The following ITK variants were observed in gnomAD, a reference collection of about 807,000 sequenced individuals.
ITK encodes IL2 inducible T cell kinase.
A neutral mutation model predicts 87.6 loss-of-function variants in ITK; 45 were observed. The observed-to-expected ratio is 0.51, with a 90% CI of 0.40 to 0.66. The LOEUF is 0.66. Among genes scored for constraint, ITK ranks in the 30% least tolerant of loss-of-function variants. The probability of loss-of-function intolerance (pLI) is 0.00; values close to 1 mark genes in which losing one functional copy is unlikely to be tolerated. For synonymous variants in ITK, 303 were observed against 273.6 expected (o/e 1.11, Z -1.06); for missense variants, 605 against 766.3 (o/e 0.79, Z 2.48).
rs1755169230 is a variant in ITK, at chr5:157,252,787, A to T, written c.*109A>T. ...CACCAGCCCAGGACCCTCCAGAGGC[A>T]GCCTGGCCTGTGGCATCAGTCCCTG... On this transcript the variant is annotated 3_prime_UTR_variant, in exon 17 of 17. Coordinates refer to ENST00000422843, the MANE Select transcript of ITK (RefSeq NM_005546.4). 1.2e-6 allele frequency: 1 copy of T among 864,632 alleles called. No individual in the cohort carries two copies. Among genetic ancestry groups the T allele is most frequent in the African/African-American group, 1.6e-5 (1 of 60,760 alleles). 53.6% of individuals were successfully genotyped at this position (864,632 alleles called of 1,614,324 possible).
chr5:157,225,786 A>C (rs1380677087), intron 6 of ITK, among the ~76,000 whole-genome samples: 2 of 152,192 alleles, frequency 1.3e-5, no homozygotes, highest in Admixed American at 6.5e-5. Flanking sequence ...TATCCGAAAT[A>C]GGTTCAAGAC....
intron 5 of ITK, 26 bp from the exon 6 acceptor site, chr5:157,222,837 T>C: frequency 6.2e-7 from 1 of 1,613,786 alleles, no homozygotes; most frequent in Non-Finnish European, 8.5e-7. Context: ...ATGTCTTTGC[T>C]TGGTTTTGTT....
intron 1 of ITK, among the ~76,000 whole-genome samples, chr5:157,201,136 G>T (rs1001300120): frequency 6.6e-6 from 1 of 151,730 alleles, no homozygotes; most frequent in Non-Finnish European, 1.5e-5. Context: ...AAAAATATTT[G>T]ACAAATCCAA....
chr5:157,196,651 A>G (rs1479306453), intron 1 of ITK, among the ~76,000 whole-genome samples: 1 of 152,212 alleles, frequency 6.6e-6, no homozygotes, highest in African/African-American at 2.4e-5. Context: ...TAGGGTTCAC[A>G]ATAATCACTT....
Position 157,252,711 on chromosome 5 carries a change from T to C in ITK, c.*33T>C, listed in dbSNP as rs778234799. On this transcript the variant is annotated 3_prime_UTR_variant, in exon 17 of 17. Coordinates refer to ENST00000422843, the MANE Select transcript of ITK (RefSeq NM_005546.4). ...TGAGTACCAGGCCACGGGCTGCAGA[T>C]CCTGAATGGAGGAAGGATATGTCCT... 8.1e-6 allele frequency: 12 copies of C among 1,485,432 alleles called. No homozygotes were observed. In the South Asian group the frequency reaches 1.2e-4, roughly 15 times the overall value. The allele number at this position is 1,485,432 out of a possible 1,614,324, so 92.0% of individuals were successfully genotyped here.
At position 157,224,878 on chromosome 5, in the gene ITK, GTTTA is replaced by G. The variant is rs1050162332; in HGVS notation, c.647+1868_647+1871del. Among the ~76,000 whole-genome samples, 7 of 152,242 alleles carry G rather than the reference GTTTA, an allele frequency of 4.6e-5. 1 individual carries two copies. Among genetic ancestry groups the G allele is most frequent in the African/African-American group, 9.6e-5 (4 of 41,542 alleles). On this transcript the variant is annotated intron_variant, in intron 6 of 16. Coordinates refer to ENST00000422843, the MANE Select transcript of ITK (RefSeq NM_005546.4). ...TTTATGGTGAGACATTTAGTTGCCA[GTTTA>G]TTTGTTTCCTCTGCTGTTTCAAACA...
At chr5:157,212,597 G>A (rs908066602) in intron 3 of ITK, among the ~76,000 whole-genome samples, 2 of 152,176 alleles carry the variant, frequency 1.3e-5, no homozygotes, top group African/African-American at 4.8e-5. Context: ...AAGGTGGGAG[G>A]ATCACTTGAG....
intron 3 of ITK, chr5:157,213,563 G>A (rs932745801): frequency 8.9e-6 from 4 of 451,102 alleles, no homozygotes; most frequent in African/African-American, 8.1e-5. Flanking sequence ...TTTTTTTTTG[G>A]TAGAAAAGGG....
chr5:157,243,382 G>A (rs1036992040), intron 11 of ITK, among the ~76,000 whole-genome samples: 4 of 152,066 alleles, frequency 2.6e-5, no homozygotes, highest in African/African-American at 9.7e-5. Flanking sequence ...GATTAATATG[G>A]TTTCTTTAAT....
At chr5:157,231,513 A>T (rs192988658) in intron 7 of ITK, among the ~76,000 whole-genome samples, 1 of 152,320 alleles carries the variant, frequency 6.6e-6, no homozygotes, top group East Asian at 1.9e-4. Context: ...GAATCCATGA[A>T]TTCCTTTAGT....
intron 1 of ITK, among the ~76,000 whole-genome samples, chr5:157,182,618 T>C (rs1753558359): frequency 6.6e-6 from 1 of 152,186 alleles, no homozygotes; most frequent in Admixed American, 6.5e-5. Flanking sequence ...GGATTTATCA[T>C]GTAGAGCTAA....
intron 7 of ITK, among the ~76,000 whole-genome samples, chr5:157,231,705 A>G (rs1422972316): frequency 1.4e-5 from 2 of 143,930 alleles, no homozygotes; most frequent in African/African-American, 5.0e-5. Context: ...TTAACAACAT[A>G]AAAAAAAAAC....
At chr5:157,223,209 G>A (rs1377838110) in intron 6 of ITK, among the ~76,000 whole-genome samples, 195 bp downstream of exon 6, 1 of 152,102 alleles carries the variant, frequency 6.6e-6, no homozygotes, top group Non-Finnish European at 1.5e-5. Flanking sequence ...TGGCTCTGAG[G>A]CAGTCACTTG....
At position 157,248,826 on chromosome 5, in the gene ITK, T is replaced by C. The variant is rs1184392004; in HGVS notation, c.1634-24T>C. On this transcript the variant is annotated intron_variant, in intron 15 of 16. Transcript: ENST00000422843. ...TGTCTGTGGGCTTTGTCATTCACTG[T>C]GCTGTGCTCACCATTTCTTGTAGGT... 3 of 1,613,914 alleles carry C rather than the reference T, an allele frequency of 1.9e-6. No homozygotes were observed. In the Admixed American group the frequency reaches 5.0e-5, roughly 27 times the overall value.
At chr5:157,201,806 A>G (rs914244461) in intron 1 of ITK, among the ~76,000 whole-genome samples, 1 of 152,028 alleles carries the variant, frequency 6.6e-6, no homozygotes, top group Non-Finnish European at 1.5e-5. Context: ...AAATTCATCC[A>G]TGTCAAAAGA....
chr5:157,249,122 G>C, intron 16 of ITK, 115 bp downstream of exon 16: 2 of 882,846 alleles, frequency 2.3e-6, no homozygotes, highest in South Asian at 2.8e-5. Context: ...AACTAATATA[G>C]ATTAGCAACA....
In ITK at chr5:157,214,267, T is replaced by C. The variant is rs764229263; in HGVS notation, c.402T>C (p.Ser134=). 5.0e-6 allele frequency: 8 copies of C among 1,611,942 alleles called. No homozygotes were observed. The South Asian group carries it at 8.8e-5, about 18-fold the overall frequency. Residue 134 remains serine, a synonymous_variant, in exon 4 of 17, where the codon TCT becomes TCC. Transcript: ENST00000422843. ...FWMDGKWRCC[S]QLEKLATGCA... ...TGGATGGGAAGTGGAGGTGCTGTTC[T>C]CAGCTGGAGAAGCTTGCAACAGGCT...
chr5:157,197,925 C>A (rs1753883509), intron 1 of ITK, among the ~76,000 whole-genome samples: 1 of 151,972 alleles, frequency 6.6e-6, no homozygotes, highest in South Asian at 2.1e-4. Context: ...TAAATCAGAT[C>A]AGGGAAATGT....
chr5:157,204,366 C>T (rs999932157), intron 1 of ITK, among the ~76,000 whole-genome samples: 2 of 151,988 alleles, frequency 1.3e-5, no homozygotes, highest in Non-Finnish European at 2.9e-5. Context: ...TTCCAAGCCA[C>T]CCTGGGCAAC....
Sources: gnomAD v4.1 joint callset for allele counts (sites outside exome capture counted in the v4.1 genomes callset) on GRCh38, gnomAD v4.1.1 for gene constraint, MANE v1.5 for transcripts, NCBI Gene and HGNC (gene_info 2026-07-23, HGNC 2026-07-21) for gene names.